PPP4R1: variants seen among roughly 807,000 people sequenced by gnomAD.
The protein encoded by PPP4R1 is serine/threonine-protein phosphatase 4 regulatory subunit 1.
A neutral mutation model predicts 111.2 loss-of-function variants in PPP4R1; 42 were observed. The ratio of observed to expected loss-of-function variants is 0.38; its 90% CI spans 0.29 to 0.49. The LOEUF (loss-of-function observed/expected upper bound fraction) is 0.49, where lower values mean the gene tolerates loss of function less well. Among genes scored for constraint, PPP4R1 ranks in the 20% least tolerant of loss-of-function variants. The pLI, the probability that PPP4R1 is intolerant of heterozygous loss-of-function variation, is 0.97. For missense variants in PPP4R1, 1,012 were observed against 1,161.6 expected, an observed-to-expected ratio of 0.87 and a Z score of 1.87; for synonymous variants, 409 against 405.5, an observed-to-expected ratio of 1.01 and a Z score of -0.10.
At position 9,547,538 on chromosome 18, in the gene PPP4R1, T is replaced by G. The variant is rs1285745652; in HGVS notation, c.*251A>C. The G allele has an allele frequency of 5.4e-6, 2 of 369,116 alleles. No individual in the cohort carries two copies. The highest frequency in any genetic ancestry group is 9.9e-6 in the Non-Finnish European group (2 of 202,390). 22.9% of individuals were successfully genotyped at this position (369,116 alleles called of 1,614,324 possible). ...TCAGGAAGACAGAAGGATTTAAGGCTTCGGTGACAATTATAATCCTCTGAG... is the reference window on the plus strand; with the variant it reads ...TCAGGAAGACAGAAGGATTTAAGGCGTCGGTGACAATTATAATCCTCTGAG... On this transcript the variant is annotated 3_prime_UTR_variant, in exon 20 of 20. Transcript: ENST00000400556.
At position 9,556,147 on chromosome 18, in the gene PPP4R1, G is replaced by A. The variant is rs117007270; in HGVS notation, c.2190+1074C>T. 8.2e-3 allele frequency among the ~76,000 whole-genome samples: 1,220 copies of A among 148,694 alleles called. 59 individuals carry two copies. The East Asian group carries it at 0.12, about 15-fold the overall frequency. ...CTGCACTCCAGCCTTGTGACAGAGC[G>A]AGACTCCGAATATGATCTACATAAA... On this transcript the variant is annotated intron_variant, in intron 15 of 19. Coordinates refer to ENST00000400556, the MANE Select transcript of PPP4R1 (RefSeq NM_001042388.3).
intron 11 of PPP4R1, among the ~76,000 whole-genome samples, chr18:9,567,561 G>A (rs2145093261): frequency 6.6e-6 from 1 of 152,280 alleles, no homozygotes; most frequent in African/African-American, 2.4e-5. Flanking sequence ...GATGAGCAAA[G>A]AAAGTGGTTT....
At chr18:9,592,634 A>C (rs2067230770) in intron 4 of PPP4R1, among the ~76,000 whole-genome samples, 2 of 151,892 alleles carry the variant, frequency 1.3e-5, no homozygotes. Flanking sequence ...TGAATTTACC[A>C]ATGTGAGAAC....
intron 15 of PPP4R1, among the ~76,000 whole-genome samples, chr18:9,555,590 G>A (rs1050784905): frequency 2.0e-5 from 3 of 152,046 alleles, no homozygotes; most frequent in African/African-American, 7.3e-5. Flanking sequence ...CCCTGATGTG[G>A]CACATTCAGA....
intron 7 of PPP4R1, 61 bp downstream of exon 7, chr18:9,584,660 C>G: frequency 6.2e-7 from 1 of 1,600,744 alleles, no homozygotes; most frequent in East Asian, 2.2e-5. Context: ...TATCATGTAT[C>G]AGTACATTAA....
chr18:9,559,010 T>C (rs2066631961), intron 14 of PPP4R1, among the ~76,000 whole-genome samples: 1 of 152,232 alleles, frequency 6.6e-6, no homozygotes, highest in South Asian at 2.1e-4. Context: ...TCACATGTGC[T>C]AGTAATACTG....
rs369495071 is a variant in PPP4R1, at chr18:9,588,810, G to A, written c.339C>T (p.Ile113=). The change falls in exon 5 of 20, where the codon ATC becomes ATT. Residue 113 remains isoleucine, a synonymous_variant. Coordinates refer to ENST00000400556, the MANE Select transcript of PPP4R1 (RefSeq NM_001042388.3). ...GCCGGTTTTCTTGACAAAACAGTGC[G>A]ATGTGAGGCACCTGTTCCATCAGCT... ...RAELMEQVPH[I]ALFCQENRPS... 1.0e-4 allele frequency: 164 copies of A among 1,613,928 alleles called. 1 individual carries two copies. In the Middle Eastern group the frequency reaches 1.5e-3, roughly 15 times the overall value.
chr18:9,603,517 TTTTTTAA>T (rs1157351863), intron 2 of PPP4R1, among the ~76,000 whole-genome samples: 3 of 152,212 alleles, frequency 2.0e-5, no homozygotes, highest in Non-Finnish European at 4.4e-5. Context: ...TTTCTTTTTA[TTTTTTAA>T]TTTTTGAGAG....
intron 11 of PPP4R1, among the ~76,000 whole-genome samples, chr18:9,567,303 G>C (rs890440161): frequency 6.6e-6 from 1 of 152,222 alleles, no homozygotes; most frequent in South Asian, 2.1e-4. Flanking sequence ...AAAATTAGGA[G>C]TGGAGCTTGA....
chr18:9,608,765 A>C (rs1249284834), intron 2 of PPP4R1, among the ~76,000 whole-genome samples: 1 of 152,266 alleles, frequency 6.6e-6, no homozygotes, highest in Non-Finnish European at 1.5e-5. Context: ...AATATAAAAA[A>C]AAGATGTAAT....
chr18:9,547,830 T>C lies in PPP4R1; in HGVS notation c.2812A>G (p.Ile938Val), dbSNP rs1460590182. ...GCTGTGCTCATGGCATCTTCGGAGA[T>C]TTTGGTACTGGCAGGGTGGATGCTT... is the stretch of plus-strand genomic sequence containing the variant. ...FASIHPASTK[I>V]SEDAMSTASS... The change falls in exon 20 of 20, where the codon ATC becomes GTC. Residue 938 changes from isoleucine to valine, a missense_variant. By Grantham distance (29) the Ile-to-Val change is conservative (BLOSUM62 3). Around this residue, in one of 2 missense-constraint regions of PPP4R1, gnomAD observed 305 missense variants for 419.5 expected, o/e 0.73. Transcript: ENST00000400556. 6.2e-7 allele frequency: 1 copy of C among 1,613,230 alleles called. No homozygotes were observed. The highest frequency in any genetic ancestry group is 8.5e-7 in the Non-Finnish European group (1 of 1,179,978).
chr18:9,593,848 T>C lies in PPP4R1; in HGVS notation c.215A>G (p.Asp72Gly). Reference protein sequence around the residue: ...NRQMVARSLLDTLREVCDDER... With the variant: ...NRQMVARSLLGTLREVCDDER... ...ATCATCGCAGACTTCCCTCAAGGTA[T>C]CGAGCAAACTCCGGGCCACCATTTG... is the stretch of plus-strand genomic sequence containing the variant. The change falls in exon 4 of 20, where the codon GAT becomes GGT. Residue 72 changes from aspartate to glycine, a missense_variant. Around this residue, in one of 2 missense-constraint regions of PPP4R1, gnomAD observed 707 missense variants for 742.1 expected, o/e 0.95. Transcript: ENST00000400556. 6.2e-7 allele frequency: 1 copy of C among 1,613,788 alleles called. No homozygotes were observed. Among genetic ancestry groups the C allele is most frequent in the Non-Finnish European group, 8.5e-7 (1 of 1,179,896 alleles).
intron 6 of PPP4R1, 143 bp from the exon 7 acceptor site, chr18:9,584,971 TA>T: frequency 1.7e-6 from 1 of 594,342 alleles, no homozygotes; most frequent in African/African-American, 1.9e-5. Flanking sequence ...AAAACATTCA[TA>T]GCCAATTATT....
intron 4 of PPP4R1, 33 bp from the exon 5 acceptor site, chr18:9,588,886 T>A: frequency 6.2e-7 from 1 of 1,605,138 alleles, no homozygotes; most frequent in Non-Finnish European, 8.5e-7. Flanking sequence ...AGCAAACATG[T>A]TCTCCTGCAG....
At chr18:9,600,724 CA>C (rs2067367055) in intron 2 of PPP4R1, among the ~76,000 whole-genome samples, 1 of 151,898 alleles carries the variant, frequency 6.6e-6, no homozygotes, top group Admixed American at 6.6e-5. Context: ...ATAAAAGATA[CA>C]AAAATATTAG....
chr18:9,590,245 T>C (rs2067188935), intron 4 of PPP4R1: 5 of 152,184 alleles, frequency 3.3e-5, no homozygotes, highest in Admixed American at 3.3e-4. Context: ...GAAATTAACA[T>C]ACCTTTAAGT....
intron 11 of PPP4R1, among the ~76,000 whole-genome samples, chr18:9,565,923 T>C (rs1037409970): frequency 6.6e-6 from 1 of 152,150 alleles, no homozygotes; most frequent in South Asian, 2.1e-4. Flanking sequence ...AAATTTTTTT[T>C]TTTTTGAGAT....
Position 9,570,231 on chromosome 18 carries a change from G to T in PPP4R1, c.1499C>A (p.Thr500Asn). The T allele has an allele frequency of 6.3e-7, 1 of 1,585,282 alleles. No homozygotes were observed. The highest frequency in any genetic ancestry group is 8.5e-7 in the Non-Finnish European group (1 of 1,169,628). The change falls in exon 11 of 20, where the codon ACC (threonine) becomes AAC (asparagine). Residue 500 changes from threonine (T) to asparagine (N), a missense_variant. Physicochemically the swap from Thr to Asn is moderately conservative, Grantham distance 65. This residue lies in a region of PPP4R1 where 707 missense variants were observed against 742.1 expected (regional missense o/e 0.95). Coordinates refer to ENST00000400556, the MANE Select transcript of PPP4R1 (RefSeq NM_001042388.3). Reference sequence around the variant, plus strand: ...TTCCAGTTCCTTTCTGGTGGCCATGGTGATGTTTGGAGAACTGGGCACAGG... The same window carrying T: ...TTCCAGTTCCTTTCTGGTGGCCATGTTGATGTTTGGAGAACTGGGCACAGG... Reference protein sequence around the residue: ...EGPVPSSPNITMATRKELEEM... With the variant: ...EGPVPSSPNINMATRKELEEM...
At chr18:9,600,426 T>A (rs1410092184) in intron 2 of PPP4R1, among the ~76,000 whole-genome samples, 1 of 152,054 alleles carries the variant, frequency 6.6e-6, no homozygotes, top group Non-Finnish European at 1.5e-5. Context: ...TTACATTAAA[T>A]ATAAATGGAC....
Sources: allele counts gnomAD v4.1 joint callset (sites outside exome capture counted in the v4.1 genomes callset), GRCh38; gene constraint gnomAD v4.1.1; regional missense constraint gnomAD v4.1.1; transcripts MANE v1.5; gene names NCBI Gene and HGNC (gene_info 2026-07-23, HGNC 2026-07-21).